The following LUZP2 variants were observed in gnomAD, a reference collection of about 807,000 sequenced individuals.
LUZP2 encodes leucine zipper protein 2.
Under a neutral mutation model 51.6 loss-of-function variants are expected in LUZP2, and 52 were observed. The observed-to-expected ratio is 1.01, with a 90% CI of 0.81 to 1.27. The LOEUF (loss-of-function observed/expected upper bound fraction) is 1.27. LUZP2 is among the 50% of genes most tolerant of loss of function. LUZP2 has a pLI of 0.00. For synonymous variants in LUZP2, 154 were observed against 137.3 expected, an observed-to-expected ratio of 1.12 and a Z score of -0.85; for missense variants, 436 against 395.4, an observed-to-expected ratio of 1.10 and a Z score of -0.87.
In LUZP2 at chr11:24,991,597, G is replaced by A. The variant is rs79633551; in HGVS notation, c.765+8304G>A. Among the ~76,000 whole-genome samples, 1,030 of 151,780 alleles carry A rather than the reference G, an allele frequency of 6.8e-3. 34 individuals carry two copies. In the East Asian group the frequency reaches 0.099, roughly 15 times the overall value. On this transcript the variant is annotated intron_variant, in intron 9 of 11. Transcript: ENST00000336930. ...TGTATAGGTAGCCAGTAATGGAATT[G>A]CTGGATCAAGTGATAGTTATACTTT...
chr11:25,078,069 A>G (rs940745660), intron 11 of LUZP2, among the ~76,000 whole-genome samples: 1 of 152,182 alleles, frequency 6.6e-6, no homozygotes, highest in African/African-American at 2.4e-5. Flanking sequence ...TACAAAGGAG[A>G]CTAAAGAGGA....
At chr11:24,641,963 G>C (rs1336792889) in intron 1 of LUZP2, among the ~76,000 whole-genome samples, 1 of 151,820 alleles carries the variant, frequency 6.6e-6, no homozygotes, top group Non-Finnish European at 1.5e-5. Flanking sequence ...GCACGATTTT[G>C]GCTCACTGTA....
At chr11:24,887,121 G>T (rs1852690831) in intron 5 of LUZP2, among the ~76,000 whole-genome samples, 1 of 152,144 alleles carries the variant, frequency 6.6e-6, no homozygotes, top group Non-Finnish European at 1.5e-5. Context: ...GTGCTGCTGG[G>T]AACGCTATGG....
chr11:24,998,482 C>T (rs1856576038), intron 9 of LUZP2, among the ~76,000 whole-genome samples: 1 of 152,140 alleles, frequency 6.6e-6, no homozygotes, highest in Non-Finnish European at 1.5e-5. Flanking sequence ...TATCCTGAGA[C>T]TTTGCTGAAG....
chr11:24,605,558 ATAAT>A (rs1198889441), intron 1 of LUZP2, among the ~76,000 whole-genome samples: 1 of 151,788 alleles, frequency 6.6e-6, no homozygotes, highest in Non-Finnish European at 1.5e-5. Flanking sequence ...TAAAATAAAA[ATAAT>A]TATTTTATTG....
At chr11:24,628,099 T>C (rs955833213) in intron 1 of LUZP2, among the ~76,000 whole-genome samples, 2 of 152,010 alleles carry the variant, frequency 1.3e-5, no homozygotes, top group African/African-American at 4.8e-5. Context: ...AGGAGCAGGG[T>C]TGCATGGCAC....
intron 1 of LUZP2, among the ~76,000 whole-genome samples, chr11:24,651,669 TCAAA>T (rs551823531): frequency 7.9e-4 from 120 of 152,288 alleles, no homozygotes; most frequent in Non-Finnish European, 1.3e-3. Context: ...AGATATTTGG[TCAAA>T]CATTTTTCTA....
At chr11:24,884,682 A>C (rs777669779) in intron 5 of LUZP2, among the ~76,000 whole-genome samples, 1 of 152,012 alleles carries the variant, frequency 6.6e-6, no homozygotes, top group Non-Finnish European at 1.5e-5. Flanking sequence ...TACTAGAACT[A>C]GTACAAACTT....
At chr11:24,745,750 T>A (rs1406424029) in intron 4 of LUZP2, among the ~76,000 whole-genome samples, 3 of 152,160 alleles carry the variant, frequency 2.0e-5, no homozygotes, top group Non-Finnish European at 4.4e-5. Flanking sequence ...CAATCTTGGC[T>A]CACTGCAACC....
intron 1 of LUZP2, among the ~76,000 whole-genome samples, chr11:24,708,090 T>G (rs990279559): frequency 6.6e-6 from 1 of 152,000 alleles, no homozygotes; most frequent in Non-Finnish European, 1.5e-5. Flanking sequence ...GAGCAGGTGA[T>G]TGGAATGTAG....
chr11:24,685,074 C>G (rs1856858948), intron 1 of LUZP2, among the ~76,000 whole-genome samples: 1 of 149,788 alleles, frequency 6.7e-6, no homozygotes, highest in South Asian at 2.1e-4. Flanking sequence ...CCATATCTAT[C>G]CAAGTTTTCT....
intron 1 of LUZP2, among the ~76,000 whole-genome samples, chr11:24,602,991 A>C (rs979776230): frequency 4.5e-4 from 68 of 151,910 alleles, no homozygotes; most frequent in African/African-American, 1.6e-3. Flanking sequence ...AGAATATCTA[A>C]GTTTCATAAT....
intron 5 of LUZP2, among the ~76,000 whole-genome samples, chr11:24,826,865 AG>A (rs1357415383): frequency 6.6e-6 from 1 of 152,202 alleles, no homozygotes; most frequent in Non-Finnish European, 1.5e-5. Flanking sequence ...AACTACAGAA[AG>A]CTGCAGTATT....
intron 5 of LUZP2, among the ~76,000 whole-genome samples, chr11:24,839,277 C>T (rs1319924177): frequency 1.3e-5 from 2 of 151,578 alleles, no homozygotes; most frequent in Admixed American, 1.3e-4. Flanking sequence ...TTATTGCAAG[C>T]CTGATTTTCA....
intron 9 of LUZP2, among the ~76,000 whole-genome samples, chr11:24,984,524 T>TTATATATA (rs1209500084): frequency 1.1e-5 from 1 of 90,086 alleles, no homozygotes; most frequent in African/African-American, 4.1e-5. Context: ...ATTACATATT[T>TTATATATA]TATATATATA....
Position 24,640,181 on chromosome 11 carries a change from A to G in LUZP2, c.63-88988A>G, listed in dbSNP as rs572710232. On this transcript the variant is annotated intron_variant, in intron 1 of 11. Transcript: ENST00000336930. ...AGTGTAAACCTCAAAGAGCTAAAGA[A>G]AGAATTTACAACTGGTGTTTTTCGA... Among the ~76,000 whole-genome samples the G allele has an allele frequency of 2.6e-5, 4 of 152,048 alleles. No individual in the cohort carries two copies. In the South Asian group the frequency reaches 6.2e-4, roughly 24 times the overall value.
chr11:24,521,866 G>A (rs1347708111), intron 1 of LUZP2, among the ~76,000 whole-genome samples: 2 of 152,050 alleles, frequency 1.3e-5, no homozygotes, highest in Non-Finnish European at 2.9e-5. Context: ...GTTTATGGAG[G>A]AATGATGTTA....
chr11:24,857,009 G>A (rs993956535), intron 5 of LUZP2, among the ~76,000 whole-genome samples: 1 of 151,742 alleles, frequency 6.6e-6, no homozygotes, highest in African/African-American at 2.4e-5. Flanking sequence ...TTCAGGTGAT[G>A]GTTACACAAA....
At chr11:24,873,833 T>C (rs760259461) in intron 5 of LUZP2, among the ~76,000 whole-genome samples, 3 of 152,198 alleles carry the variant, frequency 2.0e-5, no homozygotes, top group Non-Finnish European at 4.4e-5. Context: ...AACTTGTTTG[T>C]TAAATAGAAA....
Sources: gnomAD v4.1 joint callset for allele counts (sites outside exome capture counted in the v4.1 genomes callset) on GRCh38, gnomAD v4.1.1 for gene constraint, MANE v1.5 for transcripts, NCBI Gene and HGNC (gene_info 2026-07-23, HGNC 2026-07-21) for gene names.